The following TEX14 variants were observed in gnomAD, a reference collection of about 807,000 sequenced individuals.
TEX14 encodes testis expressed 14, intercellular bridge forming factor.
In TEX14, 168 loss-of-function variants were observed where a neutral mutation model predicts 178.6. The ratio of observed to expected loss-of-function variants is 0.94; its 90% CI spans 0.83 to 1.07. The LOEUF (loss-of-function observed/expected upper bound fraction) is 1.07, where lower values mean the gene tolerates loss of function less well. TEX14 is among the 50% of genes least tolerant of loss of function. The pLI is 0.00. For missense variants in TEX14, 1,730 were observed against 1,753.6 expected (o/e 0.99, Z 0.24); for synonymous variants, 626 against 634.1 (o/e 0.99, Z 0.19).
intron 1 of TEX14, chr17:58,659,328 C>T: frequency 1.0e-6 from 1 of 983,118 alleles, no homozygotes; most frequent in Non-Finnish European, 1.2e-6. Flanking sequence ...ATTGCTAATA[C>T]CTTACCATCG....
chr17:58,650,244 G>A (rs1435872506), intron 2 of TEX14, among the ~76,000 whole-genome samples: 5 of 151,338 alleles, frequency 3.3e-5, no homozygotes, highest in Non-Finnish European at 7.4e-5. Flanking sequence ...GTAGAGACGG[G>A]GTTTCACCAT....
At chr17:58,675,995 G>T (rs537329782) in intron 1 of TEX14, among the ~76,000 whole-genome samples, 1 of 152,046 alleles carries the variant, frequency 6.6e-6, no homozygotes, top group South Asian at 2.1e-4. Flanking sequence ...ATCCCAGCAC[G>T]TTGGGAGGCT....
intron 2 of TEX14, among the ~76,000 whole-genome samples, chr17:58,630,816 A>T (rs765193266): frequency 5.3e-5 from 8 of 152,214 alleles, no homozygotes; most frequent in Non-Finnish European, 5.9e-5. Flanking sequence ...TATAAAATGG[A>T]TTAAAATGGT....
At chr17:58,571,826 C>T in intron 24 of TEX14, 95 bp downstream of exon 24, 1 of 1,106,352 alleles carries the variant, frequency 9.0e-7, no homozygotes, top group Non-Finnish European at 1.3e-6. Context: ...TTATTTCTTG[C>T]TTTCTTAATG....
At chr17:58,622,231 G>A (rs192419047) in intron 4 of TEX14, among the ~76,000 whole-genome samples, 2 of 152,286 alleles carry the variant, frequency 1.3e-5, no homozygotes, top group African/African-American at 2.4e-5. Context: ...CGAATCACCT[G>A]AGTCAGGAGT....
rs571241682 is a variant in TEX14 at position 58,660,430 on chromosome 17, T to C, written c.-1-8428A>G. The C allele has an allele frequency of 1.7e-4, 78 of 451,786 alleles. No homozygotes were observed. In the Admixed American group the frequency reaches 1.8e-3, roughly 11 times the overall value. The allele number at this position is 451,786 out of a possible 1,614,324, so 28.0% of individuals were successfully genotyped here. A position where few individuals can be genotyped will look rare whatever the true frequency, so the allele number is the denominator to read the frequency against. On this transcript the variant is annotated intron_variant, in intron 1 of 31. Coordinates refer to ENST00000349033, the MANE Select transcript of TEX14 (RefSeq NM_031272.5). ...AAAATAAATAAAATAATAATAATAA[T>C]TTAACACTTTATTGAACTCAAAGCA...
intron 31 of TEX14, among the ~76,000 whole-genome samples, chr17:58,557,526 C>G (rs1170211910): frequency 1.3e-5 from 2 of 152,190 alleles, no homozygotes; most frequent in Non-Finnish European, 1.5e-5. Context: ...CCGCCTCGGC[C>G]TCCCAAAGTG....
Position 58,585,990 on chromosome 17 carries a change from C to T in TEX14, c.2881G>A (p.Ala961Thr). ...AGCAGGGCGTCGGGCTCATTTTCAG[C>T]CTCGCTCTCTAAAGTCAGACTACTC... ...PQSSLTLESE[A>T]ENEPDALLQP... Residue 961 changes from alanine (A) to threonine (T), a missense_variant, in exon 18 of 32, where the codon GCT (alanine) becomes ACT (threonine). By Grantham distance (58) the Ala-to-Thr change is moderately conservative. This residue lies in a region of TEX14 where 941 missense variants were observed against 1,072.4 expected (regional missense o/e 0.88). Coordinates refer to ENST00000349033, the MANE Select transcript of TEX14 (RefSeq NM_031272.5). The T allele has an allele frequency of 6.2e-7, 1 of 1,614,116 alleles. No individual in the cohort carries two copies. Among genetic ancestry groups the T allele is most frequent in the Non-Finnish European group, 8.5e-7 (1 of 1,180,020 alleles).
chr17:58,658,387 C>CTT lies in TEX14; in HGVS notation c.-1-6387_-1-6386dup, dbSNP rs34857563. 9.6e-3 allele frequency among the ~76,000 whole-genome samples: 916 copies of CTT among 94,998 alleles called. 31 individuals carry two copies. Among genetic ancestry groups the CTT allele is most frequent in the African/African-American group, 0.028 (633 of 22,886 alleles). 62.3% of individuals were successfully genotyped at this position (94,998 alleles called of 152,430 possible). ...CCAGTGTGTACCACCTGTGCACCGGCTTTTTTTTTTTTTTTTTTTTTTGAG... is the reference window on the plus strand; with the variant it reads ...CCAGTGTGTACCACCTGTGCACCGGCTTTTTTTTTTTTTTTTTTTTTTTTGAG... On this transcript the variant is annotated intron_variant, in intron 1 of 31. Coordinates refer to ENST00000349033, the MANE Select transcript of TEX14 (RefSeq NM_031272.5).
At chr17:58,631,685 AAACAGCAGTTAGAATAACGC>A (rs1338995614) in intron 2 of TEX14, 4 of 151,516 alleles carry the variant, frequency 2.6e-5, no homozygotes, top group African/African-American at 9.7e-5. Context: ...CACCAACAGC[AAACAGCAGTTAGAATAACGC>A]AACACCAAAC....
At chr17:58,639,887 G>T (rs992696331) in intron 2 of TEX14, among the ~76,000 whole-genome samples, 1 of 152,152 alleles carries the variant, frequency 6.6e-6, no homozygotes, top group African/African-American at 2.4e-5. Context: ...TTAAGAAAAA[G>T]AACTCTGGTT....
intron 1 of TEX14, among the ~76,000 whole-genome samples, chr17:58,664,670 GC>G (rs1419293353): frequency 6.6e-6 from 1 of 152,104 alleles, no homozygotes. Flanking sequence ...ATTTTGAAGG[GC>G]CCATACTTTT....
intron 3 of TEX14, among the ~76,000 whole-genome samples, chr17:58,625,221 C>T (rs1224736138): frequency 2.0e-5 from 3 of 152,128 alleles, no homozygotes; most frequent in Non-Finnish European, 4.4e-5. Context: ...CAACCTCTGC[C>T]TCTCGTGTTC....
chr17:58,686,264 C>G (rs1430671145), intron 1 of TEX14, among the ~76,000 whole-genome samples: 1 of 151,990 alleles, frequency 6.6e-6, no homozygotes, highest in Non-Finnish European at 1.5e-5. Context: ...CTTTCTTGAG[C>G]CCAGGAGTTC....
intron 2 of TEX14, among the ~76,000 whole-genome samples, chr17:58,633,917 G>A (rs950779098): frequency 4.4e-4 from 66 of 149,788 alleles, no homozygotes; most frequent in Admixed American, 4.1e-3. Flanking sequence ...GCAGTGAGCC[G>A]AGATCACGCC....
intron 9 of TEX14, 110 bp from the exon 10 acceptor site, chr17:58,611,449 A>T (rs1483417712): frequency 1.2e-5 from 10 of 807,214 alleles, no homozygotes; most frequent in African/African-American, 6.9e-5. Flanking sequence ...GTTACCAAGG[A>T]TCCCCATTTT....
intron 14 of TEX14, among the ~76,000 whole-genome samples, chr17:58,596,196 A>ATTTTT (rs1163758068): frequency 2.6e-5 from 4 of 152,216 alleles, no homozygotes; most frequent in African/African-American, 9.6e-5. Flanking sequence ...AAATTTAAAA[A>ATTTTT]AAAAAAAGTG....
At chr17:58,684,160 GA>G (rs1298154095) in intron 1 of TEX14, among the ~76,000 whole-genome samples, 4 of 147,622 alleles carry the variant, frequency 2.7e-5, no homozygotes, top group Admixed American at 6.8e-5. Context: ...CAACTGGAAA[GA>G]AAAAAAAATG....
At chr17:58,576,428 G>A (rs12948424) in intron 21 of TEX14, among the ~76,000 whole-genome samples, 1 of 151,374 alleles carries the variant, frequency 6.6e-6, no homozygotes, top group African/African-American at 2.4e-5. Context: ...AGGTTGCAGT[G>A]AGCTGAGATC....
Sources: allele counts gnomAD v4.1 joint callset (sites outside exome capture counted in the v4.1 genomes callset), GRCh38; gene constraint gnomAD v4.1.1; regional missense constraint gnomAD v4.1.1; transcripts MANE v1.5; gene names NCBI Gene and HGNC (gene_info 2026-07-23, HGNC 2026-07-21).